C2orf49: variants seen among roughly 807,000 people sequenced by gnomAD.
C2orf49 encodes the protein tRNA splicing ligase complex subunit 2.
Under a neutral mutation model 20.6 loss-of-function variants are expected in C2orf49, and 11 were observed. The ratio of observed to expected loss-of-function variants is 0.53; its 90% CI spans 0.34 to 0.88. The LOEUF (loss-of-function observed/expected upper bound fraction) is 0.88. Among genes scored for constraint, C2orf49 ranks in the 40% least tolerant of loss-of-function variants. The pLI is 0.02. For synonymous variants in C2orf49, 134 were observed against 108.5 expected (o/e 1.24, Z -1.46); for missense variants, 289 against 274.2 (o/e 1.05, Z -0.38).
At chr2:105,375,380 G>T in the C2orf49 span, 2 of 152,240 alleles carry the variant, frequency 1.3e-5, no homozygotes, top group East Asian at 3.8e-4. Flanking sequence ...GAACATCTGG[G>T]AATAGGATTA....
At chr2:105,367,211 G>A in the C2orf49 span, among the ~76,000 whole-genome samples, 7 of 152,126 alleles carry the variant, frequency 4.6e-5, no homozygotes, top group East Asian at 1.4e-3. Context: ...TCCCTCTCAA[G>A]TTTGCAGTTG....
the C2orf49 span, chr2:105,374,080 A>T: frequency 6.4e-6 from 2 of 314,890 alleles, no homozygotes; most frequent in Non-Finnish European, 1.2e-5. Flanking sequence ...CTCACACCAC[A>T]TCCGGTGACA....
chr2:105,359,455 T>C, the C2orf49 span: 1 of 152,212 alleles, frequency 6.6e-6, no homozygotes, highest in Admixed American at 6.5e-5. Context: ...AAGAAACTGA[T>C]TTCACATATG....
At chr2:105,381,039 C>T in the C2orf49 span, among the ~76,000 whole-genome samples, 71,507 of 151,730 alleles carry the variant, frequency 0.47, 17,931 homozygotes, top group African/African-American at 0.64. Context: ...AGCCCTGGAC[C>T]CCTCAGTTAA....
At chr2:105,338,606 T>G (rs1679572477) in intron 1 of C2orf49, among the ~76,000 whole-genome samples, 1 of 152,196 alleles carries the variant, frequency 6.6e-6, no homozygotes, top group South Asian at 2.1e-4. Context: ...GGCAATACTT[T>G]CCAAAGTAAT....
chr2:105,355,594 A>G, the C2orf49 span, among the ~76,000 whole-genome samples: 1 of 152,212 alleles, frequency 6.6e-6, no homozygotes, highest in African/African-American at 2.4e-5. Context: ...AGATCAAACA[A>G]GTTGGCTTGC....
the C2orf49 span, chr2:105,358,167 G>C: frequency 6.6e-6 from 1 of 152,142 alleles, no homozygotes; most frequent in African/African-American, 2.4e-5. Flanking sequence ...TGGCTCACTG[G>C]TAAGATGTCT....
the C2orf49 span, among the ~76,000 whole-genome samples, chr2:105,369,118 G>GA: frequency 2.6e-5 from 4 of 152,170 alleles, no homozygotes; most frequent in Non-Finnish European, 5.9e-5. Context: ...ATTTTTGAAG[G>GA]AAAAATGTTG....
chr2:105,361,139 A>T, the C2orf49 span: 1 of 812,034 alleles, frequency 1.2e-6, no homozygotes, highest in Non-Finnish European at 1.9e-6. Context: ...TAAAGGGTTT[A>T]AGCAAACGTG....
In C2orf49 at chr2:105,347,803, A is replaced by G. The variant is rs546296104; in HGVS notation, c.*2432A>G. The G allele has an allele frequency of 6.6e-6, 1 of 152,324 alleles. No homozygotes were observed. Among genetic ancestry groups the G allele is most frequent in the South Asian group, 2.1e-4 (1 of 4,824 alleles). The allele number at this position is 152,324 out of a possible 1,614,324, so 9.4% of individuals were successfully genotyped here. ...TTGCTTCAAAGGTTAGAAGAACTTG[A>G]TATGTATGGCAAACAACTTTAGAAT... On this transcript the variant is annotated 3_prime_UTR_variant, in exon 4 of 4. Coordinates refer to ENST00000258457, the MANE Select transcript of C2orf49 (RefSeq NM_024093.3).
At chr2:105,359,845 G>T in the C2orf49 span, 1 of 152,180 alleles carries the variant, frequency 6.6e-6, no homozygotes, top group African/African-American at 2.4e-5. Flanking sequence ...ATGTCCTTGT[G>T]CAATCTTTCA....
chr2:105,367,908 G>A, the C2orf49 span, among the ~76,000 whole-genome samples: 8 of 152,308 alleles, frequency 5.3e-5, no homozygotes, highest in East Asian at 9.6e-4. Flanking sequence ...TGTGCAGGGC[G>A]TGGACTTTGT....
chr2:105,343,087 A>G lies in C2orf49; in HGVS notation c.506A>G (p.Asn169Ser), dbSNP rs1288735334. The G allele has an allele frequency of 1.2e-6, 2 of 1,614,262 alleles. No individual in the cohort carries two copies. The highest frequency in any genetic ancestry group is 1.7e-6 in the Non-Finnish European group (2 of 1,180,046). ...AACAATAAAACGGAACACAATAATA[A>G]TGACGCTAAACAGAACCATGACTTA... is the stretch of plus-strand genomic sequence containing the variant. ...PVNNKTEHNNNDAKQNHDLTH... is the reference protein window; with the variant it reads ...PVNNKTEHNNSDAKQNHDLTH... The change falls in exon 3 of 4, where the codon AAT becomes AGT. Residue 169 changes from asparagine (N) to serine (S), a missense_variant. Physicochemically the swap from Asn to Ser is conservative, Grantham distance 46 (BLOSUM62 1). Coordinates refer to ENST00000258457, the MANE Select transcript of C2orf49 (RefSeq NM_024093.3).
chr2:105,343,160 C>G lies in C2orf49; in HGVS notation c.579C>G (p.Ser193=), dbSNP rs912722696. 1 of 1,613,920 alleles carries G rather than the reference C, an allele frequency of 6.2e-7. No individual in the cohort carries two copies. The highest frequency in any genetic ancestry group is 8.5e-7 in the Non-Finnish European group (1 of 1,179,958). Residue 193 remains serine, a synonymous_variant, in exon 3 of 4, where the codon TCC becomes TCG. Coordinates refer to ENST00000258457, the MANE Select transcript of C2orf49 (RefSeq NM_024093.3). ...PSGPVKSPPL[S]PVGTTPVKLK... is the part of the protein sequence containing the mutation. ...GCCCTGTGAAGTCGCCACCATTGTC[C>G]CCTGTTGGAACTACTCCAGTGAAGT...
chr2:105,364,204 C>G, the C2orf49 span, among the ~76,000 whole-genome samples: 1 of 152,068 alleles, frequency 6.6e-6, no homozygotes, highest in Admixed American at 6.6e-5. Context: ...TGCAGTGAGC[C>G]AAGATCATGC....
chr2:105,345,462 T>A lies in C2orf49; in HGVS notation c.*91T>A, dbSNP rs1010757145. On this transcript the variant is annotated 3_prime_UTR_variant, in exon 4 of 4. Transcript: ENST00000258457. ...ACAATATTTACAGAAATCCTGATTA[T>A]TGTGGAATTTTCTTAAGAGGTTTCA... 5.7e-6 allele frequency: 6 copies of A among 1,047,866 alleles called. No individual in the cohort carries two copies. Among genetic ancestry groups the A allele is most frequent in the Admixed American group, 2.4e-5 (1 of 40,884 alleles). The allele number at this position is 1,047,866 out of a possible 1,614,324, so 64.9% of individuals were successfully genotyped here.
intron 3 of C2orf49, 120 bp from the exon 4 acceptor site, chr2:105,345,195 A>G (rs1679779277): frequency 2.5e-6 from 2 of 813,428 alleles, no homozygotes; most frequent in Non-Finnish European, 3.9e-6. Flanking sequence ...TTCCCACCAG[A>G]TGGCAGCAGT....
At chr2:105,378,499 C>T in the C2orf49 span, 2 of 207,348 alleles carry the variant, frequency 9.6e-6, no homozygotes, top group African/African-American at 4.7e-5. Context: ...GTAGAGTGGA[C>T]ACCTGAAAGT....
chr2:105,355,917 A>C, the C2orf49 span, among the ~76,000 whole-genome samples: 1 of 152,074 alleles, frequency 6.6e-6, no homozygotes, highest in Admixed American at 6.5e-5. Context: ...TGCGTAAATG[A>C]ACATACATGG....
Sources: allele counts gnomAD v4.1 joint callset (sites outside exome capture counted in the v4.1 genomes callset), GRCh38; gene constraint gnomAD v4.1.1; transcripts MANE v1.5; gene names NCBI Gene and HGNC (gene_info 2026-07-23, HGNC 2026-07-21).